Variants in TBCK observed in about 807,000 individuals in gnomAD.
TBCK encodes TBC domain-containing protein kinase-like protein.
In TBCK, 99 loss-of-function variants were observed where a neutral mutation model predicts 113.4. That is an observed-to-expected ratio of 0.87 (90% CI 0.74 to 1.03). TBCK has a LOEUF of 1.03. Among genes scored for constraint, TBCK ranks in the 50% least tolerant of loss-of-function variants. TBCK has a pLI of 0.00. For missense variants in TBCK, 1,045 were observed against 1,061.3 expected, an observed-to-expected ratio of 0.98 and a Z score of 0.21; for synonymous variants, 369 against 370.8, an observed-to-expected ratio of 1.00 and a Z score of 0.05.
intron 25 of TBCK, among the ~76,000 whole-genome samples, chr4:106,088,866 C>G (rs545230470): frequency 1.3e-5 from 2 of 152,008 alleles, no homozygotes; most frequent in East Asian, 3.9e-4. Flanking sequence ...CTCACAAATG[C>G]GAGTTGAACA....
At chr4:106,237,530 T>C (rs1759608352) in intron 12 of TBCK, 1 of 455,818 alleles carries the variant, frequency 2.2e-6, no homozygotes, top group Non-Finnish European at 4.4e-6. Flanking sequence ...GAAGGCAGAA[T>C]GTCTGCTCCT....
intron 25 of TBCK, among the ~76,000 whole-genome samples, chr4:106,061,379 A>G (rs1350597869): frequency 6.6e-6 from 1 of 151,582 alleles, no homozygotes; most frequent in Non-Finnish European, 1.5e-5. Flanking sequence ...TGTGGAGGCA[A>G]GACCTTGCAC....
At chr4:106,099,579 T>C (rs1363646375) in intron 24 of TBCK, among the ~76,000 whole-genome samples, 4 of 152,226 alleles carry the variant, frequency 2.6e-5, no homozygotes, top group Non-Finnish European at 5.9e-5. Flanking sequence ...GATGTTTAGA[T>C]ATCATGATTT....
At chr4:106,202,897 A>G (rs1755044739) in intron 20 of TBCK, among the ~76,000 whole-genome samples, 1 of 152,092 alleles carries the variant, frequency 6.6e-6, no homozygotes, top group Non-Finnish European at 1.5e-5. Flanking sequence ...TTGATTTTTT[A>G]TGATATTTGT....
At chr4:106,279,999 G>A (rs1764426394) in intron 3 of TBCK, among the ~76,000 whole-genome samples, 1 of 152,054 alleles carries the variant, frequency 6.6e-6, no homozygotes, top group Admixed American at 6.6e-5. Flanking sequence ...GTTTTGTTGA[G>A]GAACCTCCAA....
At chr4:106,153,123 C>T (rs1458176369) in intron 23 of TBCK, among the ~76,000 whole-genome samples, 1 of 151,878 alleles carries the variant, frequency 6.6e-6, no homozygotes, top group African/African-American at 2.4e-5. Context: ...TTGGTTTGCT[C>T]ATTTTACTAA....
chr4:106,128,190 A>G (rs955294377), intron 23 of TBCK, among the ~76,000 whole-genome samples: 4 of 152,250 alleles, frequency 2.6e-5, no homozygotes, highest in African/African-American at 9.6e-5. Context: ...TGTAATCAAC[A>G]CTATAAGTTA....
At chr4:106,240,002 A>G (rs1423042380) in intron 12 of TBCK, among the ~76,000 whole-genome samples, 1 of 152,024 alleles carries the variant, frequency 6.6e-6, no homozygotes, top group Non-Finnish European at 1.5e-5. Flanking sequence ...GAAAATCAAA[A>G]CACAAATGTA....
rs1022706047 is a variant in TBCK, at chr4:106,042,752, A to C, written c.*3818T>G. The C allele has an allele frequency of 6.6e-6, 1 of 152,152 alleles. No homozygotes were observed. Among genetic ancestry groups the C allele is most frequent in the Non-Finnish European group, 1.5e-5 (1 of 68,030 alleles). 9.4% of individuals were successfully genotyped at this position (152,152 alleles called of 1,614,324 possible). The stretch of plus-strand genomic sequence containing the variant: ...AAATCTGGCACCACTGTGTCCTCTA[A>C]AAGTTTTATATAATTCATTGTTTTC... On this transcript the variant is annotated 3_prime_UTR_variant, in exon 26 of 26. Transcript: ENST00000394708.
At chr4:106,116,415 T>G in intron 23 of TBCK, 37 bp from the exon 24 acceptor site, 5 of 1,530,718 alleles carry the variant, frequency 3.3e-6, no homozygotes, top group Non-Finnish European at 3.6e-6. Context: ...ATATTGAGAA[T>G]ATTATAGAAA....
intron 23 of TBCK, among the ~76,000 whole-genome samples, chr4:106,169,530 A>ATTTATTGTATTGTATTTATT: frequency 6.6e-6 from 1 of 152,234 alleles, no homozygotes; most frequent in East Asian, 1.9e-4. Flanking sequence ...GTTTGTATTT[A>ATTTATTGTATTGTATTTATT]GAACTGCTGA....
intron 23 of TBCK, among the ~76,000 whole-genome samples, chr4:106,130,999 C>T (rs528362843): frequency 1.1e-4 from 16 of 152,014 alleles, no homozygotes; most frequent in African/African-American, 3.1e-4. Context: ...TAGCTGGGTC[C>T]CCCCCAAATC....
At chr4:106,119,189 T>C (rs1234466970) in intron 23 of TBCK, among the ~76,000 whole-genome samples, 1 of 152,198 alleles carries the variant, frequency 6.6e-6, no homozygotes, top group Non-Finnish European at 1.5e-5. Flanking sequence ...CACATTTTCC[T>C]TATGTGAATG....
chr4:106,296,502 A>T lies in TBCK; in HGVS notation c.194-1336T>A, dbSNP rs181565954. ...TTCAGAGTAAGAAATCTAGTATATA[A>T]AATAGTTCAGTAATGATTGGATTAA... is the stretch of plus-strand genomic sequence containing the variant. On this transcript the variant is annotated intron_variant, in intron 2 of 25. Transcript: ENST00000394708. Among the ~76,000 whole-genome samples the T allele has an allele frequency of 1.0e-3, 154 of 152,180 alleles. 2 individuals carry two copies. In the East Asian group the frequency reaches 0.027, roughly 27 times the overall value.
At chr4:106,187,895 A>AT (rs530707496) in intron 22 of TBCK, among the ~76,000 whole-genome samples, 2 of 152,236 alleles carry the variant, frequency 1.3e-5, no homozygotes, top group Non-Finnish European at 1.5e-5. Flanking sequence ...ATATATATTG[A>AT]TTTTTTATCC....
intron 23 of TBCK, among the ~76,000 whole-genome samples, chr4:106,133,197 G>T (rs1433338180): frequency 6.6e-6 from 1 of 152,144 alleles, no homozygotes; most frequent in African/African-American, 2.4e-5. Context: ...TGTGAAGGGT[G>T]GGGTCAGGTG....
intron 3 of TBCK, among the ~76,000 whole-genome samples, chr4:106,281,040 T>G (rs1398079683): frequency 1.3e-5 from 2 of 152,154 alleles, no homozygotes; most frequent in Non-Finnish European, 2.9e-5. Context: ...ACAATATTGA[T>G]TAGTCCCATC....
intron 22 of TBCK, among the ~76,000 whole-genome samples, chr4:106,187,050 G>A (rs1341863649): frequency 6.6e-6 from 1 of 152,108 alleles, no homozygotes; most frequent in African/African-American, 2.4e-5. Context: ...ATGGCTGTAG[G>A]TGTGTGGCTT....
chr4:106,297,142 C>CT (rs1766400766), intron 2 of TBCK, among the ~76,000 whole-genome samples: 1 of 152,060 alleles, frequency 6.6e-6, no homozygotes, highest in South Asian at 2.1e-4. Context: ...GATTCTGGGT[C>CT]TTTTTTACTG....
Sources: gnomAD v4.1 joint callset for allele counts (sites outside exome capture counted in the v4.1 genomes callset) on GRCh38, gnomAD v4.1.1 for gene constraint, MANE v1.5 for transcripts, NCBI Gene and HGNC (gene_info 2026-07-23, HGNC 2026-07-21) for gene names.